The following MGAT4C variants were observed in gnomAD, a reference collection of about 807,000 sequenced individuals.
MGAT4C encodes alpha-1,3-mannosyl-glycoprotein 4-beta-N-acetylglucosaminyltransferase C.
In MGAT4C, 19 loss-of-function variants were observed where a neutral mutation model predicts 40.1. The observed-to-expected ratio is 0.47, with a 90% CI of 0.33 to 0.70. The LOEUF (loss-of-function observed/expected upper bound fraction) is 0.70. MGAT4C is among the 30% of genes least tolerant of loss of function. MGAT4C has a pLI of 0.02. For synonymous variants in MGAT4C, 181 were observed against 187.1 expected, an observed-to-expected ratio of 0.97 and a Z score of 0.27; for missense variants, 491 against 563.2, an observed-to-expected ratio of 0.87 and a Z score of 1.30.
rs1014119318 is a variant in MGAT4C, at chr12:86,449,124, A to G, written c.-228-13859T>C. ...TTAATTTCTATCATTGGGGGCTACA[A>G]AACGTTTAGGTGGTATGTAACAATG... On this transcript the variant is annotated intron_variant, in intron 2 of 7. Transcript: ENST00000548651. 5.3e-4 allele frequency among the ~76,000 whole-genome samples: 80 copies of G among 152,168 alleles called. 1 individual carries two copies. The highest frequency in any genetic ancestry group is 1.8e-3 in the African/African-American group (74 of 41,450).
At chr12:86,548,501 C>T (rs915511065) in intron 2 of MGAT4C, among the ~76,000 whole-genome samples, 8 of 152,054 alleles carry the variant, frequency 5.3e-5, no homozygotes, top group East Asian at 1.9e-4. Flanking sequence ...TTCCCGTTTA[C>T]GCAGGCTTGG....
chr12:86,021,489 CA>C (rs1193535965), intron 2 of MGAT4C, among the ~76,000 whole-genome samples: 1 of 148,446 alleles, frequency 6.7e-6, no homozygotes, highest in Non-Finnish European at 1.5e-5. Flanking sequence ...ATTGCAAGGA[CA>C]AAAAACCAAA....
chr12:86,507,595 A>T (rs1434972537), intron 2 of MGAT4C, among the ~76,000 whole-genome samples: 1 of 152,148 alleles, frequency 6.6e-6, no homozygotes, highest in Non-Finnish European at 1.5e-5. Flanking sequence ...AATGCATTTA[A>T]CCCCTCATGT....
intron 2 of MGAT4C, among the ~76,000 whole-genome samples, chr12:86,717,473 T>C (rs1050675621): frequency 2.0e-5 from 3 of 152,128 alleles, no homozygotes; most frequent in Non-Finnish European, 4.4e-5. Flanking sequence ...TGCAATTATC[T>C]TCAAAATTTG....
At chr12:86,748,038 G>C (rs1430694631) in intron 1 of MGAT4C, among the ~76,000 whole-genome samples, 1 of 151,602 alleles carries the variant, frequency 6.6e-6, no homozygotes. Flanking sequence ...ACCAAGCCCT[G>C]TTTAACTCAC....
At chr12:86,205,892 T>C (rs844435) in intron 1 of MGAT4C, among the ~76,000 whole-genome samples, 102,688 of 151,628 alleles carry the variant, frequency 0.68, 35,075 homozygotes, top group South Asian at 0.76. Context: ...CATTTGTGTA[T>C]CAATATTTTT....
Position 86,823,117 on chromosome 12 carries a change from C to A in MGAT4C, c.-262+15549G>T, listed in dbSNP as rs997822747. On this transcript the variant is annotated intron_variant, in intron 1 of 7. Transcript: ENST00000548651. The stretch of plus-strand genomic sequence containing the variant: ...ACAACACAGTAAAACTAATGAGATG[C>A]ACCAACTAAGTATTACAAGAAAGTT... Among the ~76,000 whole-genome samples the A allele has an allele frequency of 2.0e-5, 3 of 149,670 alleles. No individual in the cohort carries two copies. In the South Asian group the frequency reaches 6.3e-4, roughly 31 times the overall value.
chr12:86,522,131 A>G (rs917999308), intron 2 of MGAT4C, among the ~76,000 whole-genome samples: 3 of 152,092 alleles, frequency 2.0e-5, no homozygotes, highest in Admixed American at 6.6e-5. Flanking sequence ...CAGGACTTCT[A>G]ATACTATGTT....
chr12:85,974,032 T>C lies in MGAT4C; in HGVS notation c.*5257A>G, dbSNP rs1425169273. On this transcript the variant is annotated 3_prime_UTR_variant, in exon 5 of 5. Transcript: ENST00000611864. ...GAACTTTGGGAAAGTGCAACCTTGT[T>C]ATCTTAATATTTTTATAGCTTAGAA... 6.6e-6 allele frequency: 1 copy of C among 150,926 alleles called. No individual in the cohort carries two copies. The highest frequency in any genetic ancestry group is 1.5e-5 in the Non-Finnish European group (1 of 67,098). The allele number at this position is 150,926 out of a possible 1,614,324, so 9.3% of individuals were successfully genotyped here.
chr12:86,558,879 A>C (rs1309995429), intron 2 of MGAT4C, among the ~76,000 whole-genome samples: 1 of 151,994 alleles, frequency 6.6e-6, no homozygotes, highest in African/African-American at 2.4e-5. Flanking sequence ...ATCAGTAATA[A>C]TGTAGACTGT....
chr12:86,197,761 T>G (rs1949878069), intron 1 of MGAT4C, among the ~76,000 whole-genome samples: 1 of 152,348 alleles, frequency 6.6e-6, no homozygotes, highest in Non-Finnish European at 1.5e-5. Flanking sequence ...CATCATCATC[T>G]TTTTAACTCA....
chr12:86,595,873 C>T (rs150812704), intron 2 of MGAT4C, among the ~76,000 whole-genome samples: 1,972 of 152,228 alleles, frequency 0.013, 92 homozygotes, highest in Admixed American at 0.021. Flanking sequence ...AATATTTTTA[C>T]AGCTTCCGGT....
At chr12:86,031,135 A>G (rs1890721707) in intron 2 of MGAT4C, among the ~76,000 whole-genome samples, 1 of 151,710 alleles carries the variant, frequency 6.6e-6, no homozygotes, top group African/African-American at 2.4e-5. Flanking sequence ...TGAGTACAAA[A>G]TGTAGTCAAC....
chr12:86,639,946 T>C (rs1177710445), intron 2 of MGAT4C, among the ~76,000 whole-genome samples: 1 of 151,692 alleles, frequency 6.6e-6, no homozygotes, highest in East Asian at 1.9e-4. Context: ...CAATCAGATA[T>C]AAATTTCCTA....
chr12:86,751,898 A>G (rs529351847), intron 1 of MGAT4C, among the ~76,000 whole-genome samples: 4 of 152,178 alleles, frequency 2.6e-5, no homozygotes, highest in South Asian at 4.1e-4. Flanking sequence ...ATAAAATCTC[A>G]AAAGTTTTGT....
At chr12:86,238,541 G>A (rs1051472243) in intron 1 of MGAT4C, among the ~76,000 whole-genome samples, 3 of 151,978 alleles carry the variant, frequency 2.0e-5, no homozygotes, top group African/African-American at 4.8e-5. Flanking sequence ...CTAATGTACT[G>A]GAAAACTTGG....
At chr12:86,709,250 G>A (rs577031150) in intron 2 of MGAT4C, among the ~76,000 whole-genome samples, 4 of 152,228 alleles carry the variant, frequency 2.6e-5, no homozygotes, top group African/African-American at 7.2e-5. Flanking sequence ...CATGTAAGAC[G>A]TAACTTGCTC....
chr12:86,241,906 G>A (rs1368559819), intron 1 of MGAT4C, among the ~76,000 whole-genome samples: 1 of 152,078 alleles, frequency 6.6e-6, no homozygotes, highest in Non-Finnish European at 1.5e-5. Flanking sequence ...AGCCTTGCCT[G>A]AGCCTGCTTT....
chr12:86,511,372 A>G (rs1036652427), intron 2 of MGAT4C, among the ~76,000 whole-genome samples: 1 of 152,176 alleles, frequency 6.6e-6, no homozygotes, highest in Admixed American at 6.6e-5. Context: ...TTTTCAGTGC[A>G]TAAGTCTCTC....
Sources: gnomAD v4.1 joint callset for allele counts (sites outside exome capture counted in the v4.1 genomes callset) on GRCh38, gnomAD v4.1.1 for gene constraint, MANE v1.5 for transcripts, NCBI Gene and HGNC (gene_info 2026-07-23, HGNC 2026-07-21) for gene names.